Variants in PPEF1 observed in about 807,000 individuals in gnomAD.
PPEF1 encodes the protein serine/threonine-protein phosphatase with EF-hands 1.
Under a neutral mutation model 53.3 loss-of-function variants are expected in PPEF1, and 12 were observed. The ratio of observed to expected loss-of-function variants is 0.23; its 90% CI spans 0.14 to 0.36. The LOEUF is 0.36. Among genes scored for constraint, PPEF1 ranks in the 10% least tolerant of loss-of-function variants. The pLI, the probability that PPEF1 is intolerant of heterozygous loss-of-function variation, is 1.00. For missense variants in PPEF1, 334 were observed against 490.4 expected (o/e 0.68, Z 3.01); for synonymous variants, 165 against 176.7 (o/e 0.93, Z 0.52).
At chrX:18,759,095 A>G (rs1005550196) in intron 5 of PPEF1, among the ~76,000 whole-genome samples, 18 of 111,368 alleles carry the variant, frequency 1.6e-4, no homozygotes, top group African/African-American at 5.6e-4. Flanking sequence ...TTCATTGTCC[A>G]TCGTGAGACA....
chrX:18,701,790 C>T, intron 6 of PPEF1, among the ~76,000 whole-genome samples: 1 of 112,422 alleles, frequency 8.9e-6, no homozygotes, highest in East Asian at 2.8e-4. Flanking sequence ...ATAGTGGGAC[C>T]TTTATTTTGG....
At chrX:18,789,417 C>A in intron 10 of PPEF1, 144 bp downstream of exon 10, 1 of 561,061 alleles carries the variant, frequency 1.8e-6, no homozygotes. Context: ...TTTTTAACAG[C>A]TTTATTGAGA....
intron 6 of PPEF1, among the ~76,000 whole-genome samples, chrX:18,775,211 CTTTTTTT>C (rs765208120): frequency 2.0e-5 from 1 of 50,166 alleles, no homozygotes. Flanking sequence ...TAACCCATTG[CTTTTTTT>C]TTTTTTTTTT....
intron 10 of PPEF1, among the ~76,000 whole-genome samples, chrX:18,796,146 G>A (rs1343212194): frequency 8.9e-6 from 1 of 112,119 alleles, no homozygotes; most frequent in Non-Finnish European, 1.9e-5. Context: ...AGTAGAGACT[G>A]AGTTTCACCA....
At chrX:18,765,678 C>G (rs1170945949) in intron 6 of PPEF1, among the ~76,000 whole-genome samples, 1 of 111,254 alleles carries the variant, frequency 9.0e-6, no homozygotes, top group Non-Finnish European at 1.9e-5. Flanking sequence ...TTAGTATTTT[C>G]AACAGCGGTA....
intron 12 of PPEF1, among the ~76,000 whole-genome samples, chrX:18,811,603 A>AT (rs2046806433): frequency 9.7e-5 from 2 of 20,648 alleles, no homozygotes; most frequent in Non-Finnish European, 2.5e-4. Flanking sequence ...ATATATATAT[A>AT]TATATATATA....
intron 12 of PPEF1, among the ~76,000 whole-genome samples, chrX:18,809,866 C>T (rs1386866750): frequency 9.0e-6 from 1 of 111,268 alleles, no homozygotes; most frequent in Non-Finnish European, 1.9e-5. Context: ...CAGACAAATA[C>T]TGTATGACAT....
At chrX:18,701,215 T>C (rs1423354043) in intron 6 of PPEF1, among the ~76,000 whole-genome samples, 2 of 112,332 alleles carry the variant, frequency 1.8e-5, no homozygotes, top group Admixed American at 1.9e-4. Flanking sequence ...TGATTACTGG[T>C]ATAGCATTCT....
chrX:18,739,212 T>C (rs777060081), intron 3 of PPEF1, among the ~76,000 whole-genome samples: 31 of 112,670 alleles, frequency 2.8e-4, no homozygotes, highest in Non-Finnish European at 3.9e-4. Flanking sequence ...AGAGGCACTC[T>C]GAGTTTTAGA....
chrX:18,772,992 G>A (rs1369613966), intron 6 of PPEF1, among the ~76,000 whole-genome samples: 2 of 112,917 alleles, frequency 1.8e-5, no homozygotes, highest in African/African-American at 6.4e-5. Context: ...GGAAGCTGCA[G>A]TGTCTTTTAT....
At chrX:18,748,520 G>A (rs866761663) in intron 3 of PPEF1, among the ~76,000 whole-genome samples, 17 of 112,477 alleles carry the variant, frequency 1.5e-4, no homozygotes, top group Admixed American at 1.1e-3. Context: ...AGAATATTGT[G>A]TATTAAACAA....
At chrX:18,710,986 G>A (rs2044309467) in intron 1 of PPEF1, among the ~76,000 whole-genome samples, 1 of 102,879 alleles carries the variant, frequency 9.7e-6, no homozygotes, top group Admixed American at 1.1e-4. Flanking sequence ...GTATATGTAA[G>A]TGTGTGTGTG....
chrX:18,696,807 T>C (rs1465908561), intron 4 of PPEF1, among the ~76,000 whole-genome samples: 1 of 110,357 alleles, frequency 9.1e-6, no homozygotes, highest in Non-Finnish European at 1.9e-5. Context: ...TGTCTGAGCT[T>C]CCCCCCTTTG....
At chrX:18,717,587 G>A (rs886995457) in intron 1 of PPEF1, among the ~76,000 whole-genome samples, 2 of 110,806 alleles carry the variant, frequency 1.8e-5, no homozygotes, top group Admixed American at 1.9e-4. Context: ...GAATGACCTC[G>A]AAGTCCAATG....
At chrX:18,675,128 C>T (rs1272227835), upstream of PPEF1, among the ~76,000 whole-genome samples, 1 of 112,993 alleles carries the variant, frequency 8.9e-6, no homozygotes, top group African/African-American at 3.2e-5. Context: ...GGCGTTTGGG[C>T]GGCTTGTCTT....
intron 1 of PPEF1, among the ~76,000 whole-genome samples, chrX:18,716,416 C>T (rs962975480): frequency 3.4e-4 from 37 of 107,405 alleles, no homozygotes; most frequent in African/African-American, 1.2e-3. Flanking sequence ...CCTGTAGTCC[C>T]AGCTCCTCGG....
chrX:18,779,946 G>T (rs2046050851), intron 7 of PPEF1, among the ~76,000 whole-genome samples: 1 of 111,649 alleles, frequency 9.0e-6, no homozygotes, highest in South Asian at 3.8e-4. Context: ...TTGGCGCCTG[G>T]CTTGAGTACA....
At chrX:18,696,155 A>AT (rs1294692731) in intron 4 of PPEF1, among the ~76,000 whole-genome samples, 36 of 106,537 alleles carry the variant, frequency 3.4e-4, no homozygotes, top group East Asian at 8.8e-4. Context: ...GAGTCCTTCG[A>AT]TTTTTTTTTT....
intron 1 of PPEF1, among the ~76,000 whole-genome samples, chrX:18,709,398 A>C (rs925127946): frequency 9.0e-6 from 1 of 111,633 alleles, no homozygotes; most frequent in Non-Finnish European, 1.9e-5. Context: ...TCAGTACTAT[A>C]TTCCTTTTTA....
Sources: gnomAD v4.1 joint callset for allele counts (sites outside exome capture counted in the v4.1 genomes callset) on GRCh38, gnomAD v4.1.1 for gene constraint, MANE v1.5 for transcripts, NCBI Gene and HGNC (gene_info 2026-07-23, HGNC 2026-07-21) for gene names.